CDKAL1: variants seen among roughly 807,000 people sequenced by gnomAD.
CDKAL1 encodes threonylcarbamoyladenosine tRNA methylthiotransferase.
A neutral mutation model predicts 68.2 loss-of-function variants in CDKAL1; 32 were observed. The ratio of observed to expected loss-of-function variants is 0.47; its 90% CI spans 0.35 to 0.63. The LOEUF is 0.63. Among genes scored for constraint, CDKAL1 ranks in the 30% least tolerant of loss-of-function variants. CDKAL1 has a pLI of 0.00. For missense variants in CDKAL1, 606 were observed against 696.7 expected, an observed-to-expected ratio of 0.87 and a Z score of 1.47; for synonymous variants, 234 against 244.3, an observed-to-expected ratio of 0.96 and a Z score of 0.39.
chr6:20,993,737 A>AT (rs1766961056), intron 10 of CDKAL1, among the ~76,000 whole-genome samples: 1 of 152,152 alleles, frequency 6.6e-6, no homozygotes, highest in Non-Finnish European at 1.5e-5. Context: ...CATTCAATTT[A>AT]TTTTTTTCTT....
chr6:20,887,943 T>TA (rs55745423), intron 9 of CDKAL1, among the ~76,000 whole-genome samples: 51,702 of 149,470 alleles, frequency 0.35, 10,221 homozygotes, highest in Non-Finnish European at 0.44. Flanking sequence ...GGCTAATCTT[T>TA]AAAAAAAAAA....
chr6:21,046,656 TA>T (rs1450076679), intron 11 of CDKAL1, among the ~76,000 whole-genome samples: 1 of 152,162 alleles, frequency 6.6e-6, no homozygotes, highest in Non-Finnish European at 1.5e-5. Flanking sequence ...GGCAGTGTCA[TA>T]AAAAGTGACA....
intron 13 of CDKAL1, among the ~76,000 whole-genome samples, chr6:21,180,919 G>A (rs926014698): frequency 6.6e-6 from 1 of 152,066 alleles, no homozygotes; most frequent in Admixed American, 6.5e-5. Context: ...CACAGACTGG[G>A]TAATTTATAA....
At chr6:20,628,487 C>T (rs1054101206) in intron 4 of CDKAL1, among the ~76,000 whole-genome samples, 3 of 152,114 alleles carry the variant, frequency 2.0e-5, no homozygotes, top group African/African-American at 7.2e-5. Flanking sequence ...ATGTATTTCT[C>T]TATTTAGGGA....
At chr6:20,865,505 C>A (rs1381246534) in intron 9 of CDKAL1, among the ~76,000 whole-genome samples, 1 of 152,032 alleles carries the variant, frequency 6.6e-6, no homozygotes, top group Non-Finnish European at 1.5e-5. Flanking sequence ...AACTTCTAGG[C>A]TCTAGGAACC....
intron 9 of CDKAL1, among the ~76,000 whole-genome samples, chr6:20,876,424 G>C (rs528790865): frequency 2.0e-4 from 31 of 152,234 alleles, no homozygotes; most frequent in Non-Finnish European, 3.5e-4. Context: ...AGTCAGCCTT[G>C]GAGGAAAAAA....
At position 20,886,544 on chromosome 6, in the gene CDKAL1, A is replaced by G. The variant is rs929177161; in HGVS notation, c.742+40366A>G. ...AAATATTGGATGTATGCAAAATTTAATATTATTCAATCATAAAATGGAATG... is the reference window on the plus strand; with the variant it reads ...AAATATTGGATGTATGCAAAATTTAGTATTATTCAATCATAAAATGGAATG... On this transcript the variant is annotated intron_variant, in intron 9 of 15. Coordinates refer to ENST00000274695, the MANE Select transcript of CDKAL1 (RefSeq NM_017774.3). 1.1e-4 allele frequency among the ~76,000 whole-genome samples: 16 copies of G among 152,256 alleles called. 1 individual carries two copies. The highest frequency in any genetic ancestry group is 9.8e-4 in the Admixed American group (15 of 15,292).
intron 8 of CDKAL1, among the ~76,000 whole-genome samples, chr6:20,839,303 A>G (rs1038888251): frequency 6.6e-6 from 1 of 152,216 alleles, no homozygotes; most frequent in Non-Finnish European, 1.5e-5. Flanking sequence ...GTGAGCCTTC[A>G]TTATGACATT....
At position 20,965,123 on chromosome 6, in the gene CDKAL1, C is replaced by T. The variant is rs139599439; in HGVS notation, c.909+9538C>T. Reference sequence around the variant, plus strand: ...GTCAGGAGTTTGAGACCAGCCTGTTCAATACAGTGAGATCCGTCTCTGCAA... The same window carrying T: ...GTCAGGAGTTTGAGACCAGCCTGTTTAATACAGTGAGATCCGTCTCTGCAA... On this transcript the variant is annotated intron_variant, in intron 10 of 15. Transcript: ENST00000274695. 1.6e-4 allele frequency among the ~76,000 whole-genome samples: 24 copies of T among 152,184 alleles called. No individual in the cohort carries two copies. In the East Asian group the frequency reaches 4.6e-3, roughly 29 times the overall value.
chr6:20,557,219 A>G (rs926613668), intron 4 of CDKAL1, among the ~76,000 whole-genome samples: 3 of 152,070 alleles, frequency 2.0e-5, no homozygotes, highest in South Asian at 2.1e-4. Context: ...TAAAAAATGT[A>G]ACCCAGGGTT....
chr6:20,718,526 C>G (rs1308897905), intron 5 of CDKAL1, among the ~76,000 whole-genome samples: 1 of 152,124 alleles, frequency 6.6e-6, no homozygotes, highest in Non-Finnish European at 1.5e-5. Flanking sequence ...AATTTGCATA[C>G]TACAAACTGG....
chr6:20,890,980 G>A (rs1761363318), intron 9 of CDKAL1, among the ~76,000 whole-genome samples: 1 of 152,014 alleles, frequency 6.6e-6, no homozygotes, highest in South Asian at 2.1e-4. Context: ...AGATGGAGGT[G>A]CTGCAATTAT....
At chr6:20,935,230 AT>A (rs1280058986) in intron 9 of CDKAL1, among the ~76,000 whole-genome samples, 1 of 151,912 alleles carries the variant, frequency 6.6e-6, no homozygotes, top group Admixed American at 6.6e-5. Flanking sequence ...GTTTCACATC[AT>A]TTTTTATTGC....
chr6:20,543,559 T>A (rs1763468896), intron 2 of CDKAL1, among the ~76,000 whole-genome samples: 1 of 152,194 alleles, frequency 6.6e-6, no homozygotes, highest in Middle Eastern at 3.2e-3. Flanking sequence ...AGCCTCTTAA[T>A]AGGGTCTTTC....
At chr6:21,182,900 T>C (rs930651386) in intron 13 of CDKAL1, among the ~76,000 whole-genome samples, 3 of 152,128 alleles carry the variant, frequency 2.0e-5, no homozygotes, top group Non-Finnish European at 4.4e-5. Flanking sequence ...AAAATCAAAA[T>C]CTCTAGGTTT....
intron 9 of CDKAL1, among the ~76,000 whole-genome samples, chr6:20,880,003 T>G (rs1209652550): frequency 6.6e-6 from 1 of 152,216 alleles, no homozygotes; most frequent in Non-Finnish European, 1.5e-5. Context: ...TTTAATTCTC[T>G]TAGAGGTTGG....
intron 9 of CDKAL1, among the ~76,000 whole-genome samples, chr6:20,884,052 T>A (rs141046779): frequency 9.8e-4 from 150 of 152,316 alleles, no homozygotes; most frequent in African/African-American, 3.5e-3. Context: ...ATAGCCCTTA[T>A]GAATATAGAT....
intron 11 of CDKAL1, among the ~76,000 whole-genome samples, chr6:21,008,706 C>T (rs987060408): frequency 1.3e-5 from 2 of 152,056 alleles, no homozygotes; most frequent in African/African-American, 4.8e-5. Flanking sequence ...CTTGGTTTGT[C>T]CTCCTTGACA....
chr6:20,776,556 T>C (rs749411584), intron 7 of CDKAL1, among the ~76,000 whole-genome samples: 1 of 152,246 alleles, frequency 6.6e-6, no homozygotes, highest in Non-Finnish European at 1.5e-5. Context: ...ATGAAACATG[T>C]ATATAACTAC....
Sources: allele counts gnomAD v4.1 joint callset (sites outside exome capture counted in the v4.1 genomes callset), GRCh38; gene constraint gnomAD v4.1.1; transcripts MANE v1.5; gene names NCBI Gene and HGNC (gene_info 2026-07-23, HGNC 2026-07-21).